KLRF1: variants seen among roughly 807,000 people sequenced by gnomAD.
The protein encoded by KLRF1 is killer cell lectin like receptor F1, also known as killer cell lectin-like receptor subfamily F member 1.
Under a neutral mutation model 30.7 loss-of-function variants are expected in KLRF1, and 27 were observed. The ratio of observed to expected loss-of-function variants is 0.88; its 90% CI spans 0.65 to 1.21. The LOEUF is 1.21. KLRF1 is among the 50% of genes most tolerant of loss of function. The pLI is 0.00. For synonymous variants in KLRF1, 92 were observed against 89.3 expected (o/e 1.03, Z -0.17); for missense variants, 246 against 259.3 (o/e 0.95, Z 0.35).
chr12:9,840,805 GC>G (rs1279150994), intron 3 of KLRF1, among the ~76,000 whole-genome samples: 6 of 152,054 alleles, frequency 3.9e-5, no homozygotes, highest in Non-Finnish European at 5.9e-5. Context: ...AGAATAACGT[GC>G]TGGTGAGGGT....
chr12:9,812,141 G>A, the KLRF1 span, among the ~76,000 whole-genome samples: 5 of 152,196 alleles, frequency 3.3e-5, no homozygotes, highest in South Asian at 4.2e-4. Flanking sequence ...CGAGGCGGGC[G>A]GATCATGAGG....
Position 9,840,664 on chromosome 12 carries a change from A to G in KLRF1, c.335-1148A>G, listed in dbSNP as rs1333072398. Reference sequence around the variant, plus strand: ...TTAAGAGGGAGAAAGGGATACACATACAAAACTACAAGGAGAGCGATTTTA... The same window carrying G: ...TTAAGAGGGAGAAAGGGATACACATGCAAAACTACAAGGAGAGCGATTTTA... On this transcript the variant is annotated intron_variant, in intron 3 of 5. Coordinates refer to ENST00000617889, the MANE Select transcript of KLRF1 (RefSeq NM_016523.3). Among the ~76,000 whole-genome samples, 4 of 152,154 alleles carry G rather than the reference A, an allele frequency of 2.6e-5. 1 individual carries two copies. The South Asian group carries it at 6.2e-4, about 24-fold the overall frequency.
rs1867487489 is a variant in KLRF1 at position 9,833,288 on chromosome 12, A to T, written c.185-15A>T. Reference sequence around the variant, plus strand: ...GAAGATATTTACCTAACCTTAAAATAGTCCTGTATTCAAGTTTCTCAGGGA... The same window carrying T: ...GAAGATATTTACCTAACCTTAAAATTGTCCTGTATTCAAGTTTCTCAGGGA... On this transcript the variant is annotated splice_polypyrimidine_tract_variant and intron_variant, in intron 2 of 5. Coordinates refer to ENST00000617889, the MANE Select transcript of KLRF1 (RefSeq NM_016523.3). The T allele has an allele frequency of 6.4e-7, 1 of 1,564,722 alleles. No individual in the cohort carries two copies. The highest frequency in any genetic ancestry group is 2.4e-5 in the East Asian group (1 of 42,468).
the KLRF1 span, among the ~76,000 whole-genome samples, chr12:9,814,794 G>A: frequency 9.8e-6 from 1 of 101,898 alleles, no homozygotes; most frequent in African/African-American, 3.8e-5. Context: ...CACCATAAAA[G>A]GTTATTGTAA....
chr12:9,817,066 G>A, the KLRF1 span, among the ~76,000 whole-genome samples: 3 of 152,052 alleles, frequency 2.0e-5, no homozygotes, highest in African/African-American at 7.3e-5. Context: ...TGTCCTACGT[G>A]TGAAAACTAT....
chr12:9,842,200 T>C (rs1012669223), intron 4 of KLRF1, 121 bp from the exon 5 acceptor site: 20 of 1,003,308 alleles, frequency 2.0e-5, no homozygotes, highest in Middle Eastern at 2.3e-4. Context: ...ATAAGTAAGA[T>C]ATGAATTGAT....
chr12:9,842,431 G>T lies in KLRF1; in HGVS notation c.585G>T (p.Lys195Asn), dbSNP rs1867724894. Reference sequence around the variant, plus strand: ...TGGATGGTTCTCCAATAGATTCAAAGATGTGAGTCTTTCTTAAAAGGCAAT... The same window carrying T: ...TGGATGGTTCTCCAATAGATTCAAATATGTGAGTCTTTCTTAAAAGGCAAT... ...TWVDGSPIDS[K>N]IFFIKGPAKE... Residue 195 changes from lysine (K) to asparagine (N), a missense_variant and splice_region_variant, in exon 5 of 6, where the codon AAG becomes AAT. Transcript: ENST00000617889. 1 of 1,611,082 alleles carries T rather than the reference G, an allele frequency of 6.2e-7. No individual in the cohort carries two copies. The highest frequency in any genetic ancestry group is 1.7e-5 in the Admixed American group (1 of 59,738).
chr12:9,825,716 A>G (rs1018527281), upstream of KLRF1, among the ~76,000 whole-genome samples: 1 of 152,226 alleles, frequency 6.6e-6, no homozygotes, highest in African/African-American at 2.4e-5. Flanking sequence ...AGAAACTATC[A>G]ACAGAGTGAA....
At chr12:9,818,623 CTT>C in the KLRF1 span, among the ~76,000 whole-genome samples, 5 of 152,284 alleles carry the variant, frequency 3.3e-5, no homozygotes, top group Non-Finnish European at 7.3e-5. Context: ...ATTAAAGAGA[CTT>C]AAGTAATAAA....
At chr12:9,809,720 G>A in the KLRF1 span, among the ~76,000 whole-genome samples, 3 of 151,486 alleles carry the variant, frequency 2.0e-5, no homozygotes. Context: ...TATTATTGTT[G>A]GAAAAAGCGG....
the KLRF1 span, among the ~76,000 whole-genome samples, chr12:9,816,824 C>T: frequency 1.3e-5 from 2 of 151,084 alleles, no homozygotes; most frequent in East Asian, 3.9e-4. Context: ...ATCTCCGCCT[C>T]TCAGGTTCAC....
At chr12:9,812,136 C>A in the KLRF1 span, among the ~76,000 whole-genome samples, 1 of 152,094 alleles carries the variant, frequency 6.6e-6, no homozygotes, top group African/African-American at 2.4e-5. Flanking sequence ...GAGGCCGAGG[C>A]GGGCGGATCA....
At chr12:9,838,432 A>G (rs1329983332) in intron 3 of KLRF1, among the ~76,000 whole-genome samples, 3 of 152,232 alleles carry the variant, frequency 2.0e-5, no homozygotes, top group South Asian at 4.1e-4. Context: ...TTTTGCTAAA[A>G]GATGCTTTCA....
At chr12:9,839,836 A>G (rs1867664058) in intron 3 of KLRF1, among the ~76,000 whole-genome samples, 1 of 152,098 alleles carries the variant, frequency 6.6e-6, no homozygotes, top group South Asian at 2.1e-4. Context: ...CCCAACATTC[A>G]ACTTTTAGGT....
At chr12:9,842,473 T>C (rs1348088140) in intron 5 of KLRF1, 40 bp downstream of exon 5, 2 of 1,586,046 alleles carry the variant, frequency 1.3e-6, no homozygotes, top group Admixed American at 1.7e-5. Flanking sequence ...TATTGTTTAT[T>C]GTAGAATATG....
At chr12:9,833,270 T>C (rs772362848) in intron 2 of KLRF1, 33 bp from the exon 3 acceptor site, 2 of 1,478,866 alleles carry the variant, frequency 1.4e-6, no homozygotes, top group Non-Finnish European at 1.8e-6. Flanking sequence ...AGAGAAGATA[T>C]TTACCTAACC....
At chr12:9,807,667 GT>G in the KLRF1 span, among the ~76,000 whole-genome samples, 2 of 152,036 alleles carry the variant, frequency 1.3e-5, no homozygotes, top group African/African-American at 4.8e-5. Context: ...TCAAGTTACT[GT>G]TGAGTGTCAT....
At chr12:9,838,279 T>C (rs1238771083) in intron 3 of KLRF1, among the ~76,000 whole-genome samples, 1 of 152,148 alleles carries the variant, frequency 6.6e-6, no homozygotes, top group East Asian at 1.9e-4. Flanking sequence ...TGGCTCTGAC[T>C]GACTTTTAGA....
Position 9,832,338 on chromosome 12 carries a change from G to T in KLRF1, c.108G>T (p.Trp36Cys), listed in dbSNP as rs564860965. 11 of 1,603,894 alleles carry T rather than the reference G, an allele frequency of 6.9e-6. No homozygotes were observed. Among genetic ancestry groups the T allele is most frequent in the South Asian group, 2.2e-5 (2 of 90,708 alleles). Residue 36 changes from tryptophan to cysteine, a missense_variant, in exon 2 of 6, where the codon TGG becomes TGT. Coordinates refer to ENST00000617889, the MANE Select transcript of KLRF1 (RefSeq NM_016523.3). Reference sequence around the variant, plus strand: ...CAGATTATTCAGTGACGTTGCACTGGTATAAAATCTTACTGGGAATATCTG... The same window carrying T: ...CAGATTATTCAGTGACGTTGCACTGTTATAAAATCTTACTGGGAATATCTG... ...TFKDYSVTLHWYKILLGISGT... is the reference protein window; with the variant it reads ...TFKDYSVTLHCYKILLGISGT...
Sources: allele counts gnomAD v4.1 joint callset (sites outside exome capture counted in the v4.1 genomes callset), GRCh38; gene constraint gnomAD v4.1.1; transcripts MANE v1.5; gene names NCBI Gene and HGNC (gene_info 2026-07-23, HGNC 2026-07-21).